Variants in PAG1 observed in about 807,000 individuals in gnomAD.
PAG1 encodes phosphoprotein membrane anchor with glycosphingolipid microdomains 1.
PAG1 carries 23 observed loss-of-function variants against 31.7 expected under a neutral mutation model. That is an observed-to-expected ratio of 0.73 (90% CI 0.52 to 1.03). PAG1 has a LOEUF of 1.03. PAG1 is among the 50% of genes least tolerant of loss of function. PAG1 has a pLI of 0.00. For missense variants in PAG1, 473 were observed against 540.7 expected (o/e 0.87, Z 1.24); for synonymous variants, 214 against 210.3 (o/e 1.02, Z -0.15).
At chr8:81,084,039 A>C (rs966197444) in intron 1 of PAG1, among the ~76,000 whole-genome samples, 1 of 152,010 alleles carries the variant, frequency 6.6e-6, no homozygotes, top group Non-Finnish European at 1.5e-5. Flanking sequence ...CATCTTAGAA[A>C]AAAAAAAAAG....
intron 2 of PAG1, among the ~76,000 whole-genome samples, chr8:81,043,437 A>C (rs1411845932): frequency 6.6e-6 from 1 of 152,140 alleles, no homozygotes; most frequent in Non-Finnish European, 1.5e-5. Context: ...TCTTTGTTAC[A>C]TATATAGTAC....
At chr8:81,064,829 G>C (rs917229670) in intron 2 of PAG1, among the ~76,000 whole-genome samples, 29 of 152,202 alleles carry the variant, frequency 1.9e-4, no homozygotes, top group African/African-American at 2.2e-4. Flanking sequence ...ATGCCACCAG[G>C]TTATCTCCAT....
chr8:81,089,686 T>C (rs1809415870), intron 1 of PAG1, among the ~76,000 whole-genome samples: 4 of 152,196 alleles, frequency 2.6e-5, no homozygotes, highest in Admixed American at 6.5e-5. Context: ...AACCTACCCT[T>C]TGCTCTGGAG....
chr8:81,023,532 GTATATATA>G (rs142315219), intron 3 of PAG1, among the ~76,000 whole-genome samples: 1 of 150,030 alleles, frequency 6.7e-6, no homozygotes, highest in African/African-American at 2.4e-5. Context: ...TTTCTCTGCA[GTATATATA>G]TATATATTTG....
chr8:80,973,816 G>A lies in PAG1; in HGVS notation c.*2728C>T, dbSNP rs144015480. 9.2e-6 allele frequency: 1 copy of A among 108,708 alleles called. No homozygotes were observed. The highest frequency in any genetic ancestry group is 1.9e-5 in the Non-Finnish European group (1 of 51,302). The allele number at this position is 108,708 out of a possible 1,614,324, so 6.7% of individuals were successfully genotyped here. On this transcript the variant is annotated 3_prime_UTR_variant, in exon 9 of 9. Coordinates refer to ENST00000220597, the MANE Select transcript of PAG1 (RefSeq NM_018440.4). ...TATACTGTACAGTCAAAACAGTGAT[G>A]GTGCCTCAGTAAATAACTTCAGTAA... is the stretch of plus-strand genomic sequence containing the variant.
At chr8:81,092,622 A>G (rs7018273) in intron 1 of PAG1, among the ~76,000 whole-genome samples, 32,070 of 152,186 alleles carry the variant, frequency 0.21, 10,254 homozygotes, top group African/African-American at 0.69. Context: ...TCATGGAACT[A>G]ATTCAACAAA....
chr8:81,092,126 G>T (rs1809456006), intron 1 of PAG1, among the ~76,000 whole-genome samples: 1 of 143,820 alleles, frequency 7.0e-6, no homozygotes, highest in Non-Finnish European at 1.5e-5. Context: ...GCTAAGGAAG[G>T]TGGATGGCTT....
chr8:81,084,904 A>G (rs919760993), intron 1 of PAG1, among the ~76,000 whole-genome samples: 5 of 152,242 alleles, frequency 3.3e-5, no homozygotes, highest in Non-Finnish European at 5.9e-5. Context: ...TATGTGAAAT[A>G]CATTAAGATG....
At chr8:81,064,409 T>C (rs1375693911) in intron 2 of PAG1, among the ~76,000 whole-genome samples, 1 of 152,188 alleles carries the variant, frequency 6.6e-6, no homozygotes, top group Non-Finnish European at 1.5e-5. Context: ...ACCCCTGCTC[T>C]AAAGGAACCA....
intron 2 of PAG1, among the ~76,000 whole-genome samples, chr8:81,062,545 A>G (rs1241946566): frequency 6.6e-6 from 1 of 152,158 alleles, no homozygotes; most frequent in African/African-American, 2.4e-5. Flanking sequence ...GATATTTTTC[A>G]TTTTTCACAT....
chr8:81,088,888 G>C (rs1382720483), intron 1 of PAG1, among the ~76,000 whole-genome samples: 2 of 152,214 alleles, frequency 1.3e-5, no homozygotes, highest in African/African-American at 4.8e-5. Context: ...ATCAGCAAAG[G>C]ACAGTTTCTT....
chr8:80,977,029 C>G (rs1401625585), intron 8 of PAG1, 123 bp from the exon 9 acceptor site: 1 of 817,634 alleles, frequency 1.2e-6, no homozygotes, highest in Non-Finnish European at 2.0e-6. Context: ...AAGATTTGTT[C>G]TTTCTTATCT....
At chr8:81,012,118 T>C (rs1807996328) in intron 3 of PAG1, among the ~76,000 whole-genome samples, 2 of 152,236 alleles carry the variant, frequency 1.3e-5, no homozygotes. Context: ...AAAGCATCCA[T>C]TTAATGTTAG....
chr8:80,984,609 A>C (rs1807374700), intron 7 of PAG1, among the ~76,000 whole-genome samples, 167 bp downstream of exon 7: 1 of 152,210 alleles, frequency 6.6e-6, no homozygotes, highest in Admixed American at 6.5e-5. Flanking sequence ...TTGGTATTTT[A>C]TTACTTGGAG....
At chr8:81,099,429 C>T (rs905842086) in intron 1 of PAG1, among the ~76,000 whole-genome samples, 1 of 152,198 alleles carries the variant, frequency 6.6e-6, no homozygotes, top group Non-Finnish European at 1.5e-5. Context: ...TCCACTCTTA[C>T]ACATGTGCTT....
intron 3 of PAG1, among the ~76,000 whole-genome samples, chr8:81,020,022 GT>G (rs1212655877): frequency 2.0e-5 from 3 of 152,140 alleles, no homozygotes; most frequent in Non-Finnish European, 4.4e-5. Context: ...TCATTTTAAG[GT>G]TTAATGACTG....
At chr8:81,102,069 G>T (rs1213928148) in intron 1 of PAG1, among the ~76,000 whole-genome samples, 1 of 152,076 alleles carries the variant, frequency 6.6e-6, no homozygotes, top group Non-Finnish European at 1.5e-5. Context: ...GCATTTGGAT[G>T]AAATTGGGAT....
chr8:81,038,661 A>ATG (rs1808503033), intron 2 of PAG1, among the ~76,000 whole-genome samples: 1 of 152,226 alleles, frequency 6.6e-6, no homozygotes, highest in Admixed American at 6.5e-5. Flanking sequence ...ATATATATGT[A>ATG]TGTGTGTGTG....
chr8:81,085,973 T>TG (rs1809346023), intron 1 of PAG1, among the ~76,000 whole-genome samples: 2 of 45,626 alleles, frequency 4.4e-5, no homozygotes, highest in African/African-American at 3.0e-4. Context: ...ATCTGGCTTG[T>TG]TTTTTTTTTT....
Sources: gnomAD v4.1 joint callset for allele counts (sites outside exome capture counted in the v4.1 genomes callset) on GRCh38, gnomAD v4.1.1 for gene constraint, MANE v1.5 for transcripts, NCBI Gene and HGNC (gene_info 2026-07-23, HGNC 2026-07-21) for gene names.